POLK: variants seen among roughly 807,000 people sequenced by gnomAD.
POLK encodes polymerase (DNA directed) kappa.
A neutral mutation model predicts 94.0 loss-of-function variants in POLK; 76 were observed. The ratio of observed to expected loss-of-function variants is 0.81; its 90% confidence interval spans 0.67 to 0.98. POLK has a LOEUF of 0.98. POLK is among the 50% of genes least tolerant of loss of function. The pLI is 0.00. For missense variants in POLK, 954 were observed against 1,010.1 expected (o/e 0.94, Z 0.75); for synonymous variants, 349 against 325.4 (o/e 1.07, Z -0.78).
rs555431325 is a variant in POLK, at chr5:75,543,163, C to A, written c.-13-3847C>A. On this transcript the variant is annotated intron_variant, in intron 1 of 14. Coordinates refer to ENST00000241436, the Ensembl canonical transcript of POLK. ...GTTCAAGCGTTTCTCCTGTCTCAGC[C>A]TCCTGAGTAGCTGGGACTATAGGCA... Among the ~76,000 whole-genome samples, 15 of 151,900 alleles carry A rather than the reference C, an allele frequency of 9.9e-5. No individual in the cohort carries two copies. In the South Asian group the frequency reaches 2.3e-3, roughly 23 times the overall value.
chr5:75,546,531 A>T (rs981498122), intron 1 of POLK, among the ~76,000 whole-genome samples: 1 of 152,116 alleles, frequency 6.6e-6, no homozygotes, highest in Non-Finnish European at 1.5e-5. Context: ...GTCATTTAAA[A>T]ATTTTGTTTT....
rs771553473 is a variant in POLK at position 75,583,409 on chromosome 5, A to G, written c.1051A>G (p.Ile351Val). Residue 351 changes from isoleucine to valine, a missense_variant, in exon 8 of 15, where the codon ATT becomes GTT. By Grantham distance (29) the Ile-to-Val change is conservative. Transcript: ENST00000241436. The stretch of plus-strand genomic sequence containing the variant: ...GATGGACTTCATCAAGGATTTACCC[A>G]TTAGAAAGGTAAGATTTTTACATAA... 3.1e-6 allele frequency: 5 copies of G among 1,594,718 alleles called. No individual in the cohort carries two copies. The East Asian group carries it at 6.7e-5, about 21-fold the overall frequency.
At chr5:75,548,070 A>C (rs1770143748) in intron 2 of POLK, among the ~76,000 whole-genome samples, 1 of 152,096 alleles carries the variant, frequency 6.6e-6, no homozygotes, top group Non-Finnish European at 1.5e-5. Flanking sequence ...CAATAGGCAC[A>C]TGCCACCAAG....
chr5:75,573,317 A>G (rs944836177), intron 4 of POLK, among the ~76,000 whole-genome samples: 15 of 152,276 alleles, frequency 9.9e-5, no homozygotes, highest in African/African-American at 2.9e-4. Context: ...GAACAACGAG[A>G]ACACGTGGAC....
In POLK at chr5:75,573,699, G is replaced by GA. The variant is rs762394676; in HGVS notation, c.409-39_409-38insA. On this transcript the variant is annotated intron_variant, in intron 4 of 14. Transcript: ENST00000241436. ...TGCATTGATCAATATGTCCATTTAG[G>GA]TTTGTGTATTTTTTTCCATGTGGTC... 1.2e-5 allele frequency: 19 copies of GA among 1,556,924 alleles called. No individual in the cohort carries two copies. In the South Asian group the frequency reaches 2.1e-4, roughly 17 times the overall value.
chr5:75,511,237 C>T (rs569067946), upstream of POLK: 35 of 1,609,584 alleles, frequency 2.2e-5, no homozygotes, highest in African/African-American at 2.7e-5. Context: ...AGGAGACCGG[C>T]CCCCGCTCCC....
At chr5:75,606,582 CTGTT>C in the POLK span, among the ~76,000 whole-genome samples, 6 of 145,968 alleles carry the variant, frequency 4.1e-5, no homozygotes, top group East Asian at 1.2e-3. Context: ...CTTCAAGCAT[CTGTT>C]TAACAAAGCA....
Position 75,576,758 on chromosome 5 carries a change from CTT to C in POLK, c.541-15_541-14del, listed in dbSNP as rs751779033. ...GTTTGCTATCACAGCAAAATTTAAA[CTT>C]TTTTTTGTTTCCTTTGAAGGTTAAG... On this transcript the variant is annotated intron_variant, in intron 5 of 14. Transcript: ENST00000241436. The C allele has an allele frequency of 1.4e-6, 2 of 1,410,746 alleles. No homozygotes were observed. Among genetic ancestry groups the C allele is most frequent in the South Asian group, 1.7e-5 (1 of 60,044 alleles). 87.4% of individuals were successfully genotyped at this position (1,410,746 alleles called of 1,614,324 possible). A position where few individuals can be genotyped will look rare whatever the true frequency, so the allele number is the denominator to read the frequency against.
At chr5:75,538,556 G>C (rs1361251553) in intron 1 of POLK, 5 of 152,018 alleles carry the variant, frequency 3.3e-5, no homozygotes, top group African/African-American at 4.8e-5. Context: ...TCTCAGAGGA[G>C]AGAGAGATAT....
At chr5:75,597,112 A>T (rs1323943777) in exon 13 of POLK, 1 of 1,612,914 alleles carries the variant, frequency 6.2e-7, no homozygotes, top group Non-Finnish European at 8.5e-7. Context: ...TAAAAGTTTT[A>T]TCCAAGAATT....
chr5:75,605,874 G>C (rs1466991915), downstream of POLK, among the ~76,000 whole-genome samples: 1 of 151,672 alleles, frequency 6.6e-6, no homozygotes, highest in South Asian at 2.1e-4. Context: ...GGTGTTTCTC[G>C]TAAGGTGGGA....
At chr5:75,599,058 T>TG (rs1381385147) in exon 15 of POLK, 3 of 151,004 alleles carry the variant, frequency 2.0e-5, no homozygotes, top group Non-Finnish European at 4.4e-5. Flanking sequence ...CTCGCCAACA[T>TG]GGTGAGACCC....
chr5:75,555,348 T>C (rs558815993), intron 3 of POLK, among the ~76,000 whole-genome samples: 4 of 152,274 alleles, frequency 2.6e-5, no homozygotes, highest in South Asian at 2.1e-4. Flanking sequence ...CTGACCTTTT[T>C]ACTATCTCCA....
chr5:75,547,220 A>C lies in POLK; in HGVS notation c.135+63A>C, dbSNP rs904648108. ...GACCTTTTAACTTTCTGTTTCAAAG[A>C]AAATCATTTGAATATCATTTGTATT... On this transcript the variant is annotated intron_variant, in intron 2 of 14. Coordinates refer to ENST00000241436, the Ensembl canonical transcript of POLK. The C allele has an allele frequency of 1.4e-5, 11 of 764,338 alleles. No homozygotes were observed. In the African/African-American group the frequency reaches 2.0e-4, roughly 14 times the overall value. 47.3% of individuals were successfully genotyped at this position (764,338 alleles called of 1,614,324 possible).
At chr5:75,593,714 G>A (rs538154667) in intron 11 of POLK, among the ~76,000 whole-genome samples, 164 bp from the exon 12 acceptor site, 73 of 152,204 alleles carry the variant, frequency 4.8e-4, no homozygotes, top group Non-Finnish European at 4.4e-4. Context: ...GTACTGGCAC[G>A]CACTTGTAAT....
chr5:75,511,899 G>A, exon 1 of POLK: 1 of 1,389,160 alleles, frequency 7.2e-7, no homozygotes, highest in Admixed American at 2.2e-5. Flanking sequence ...TTGTAGTCGC[G>A]ATCCTGAGGT....
In POLK at chr5:75,528,111, T is replaced by C. The variant is rs116995811; in HGVS notation, c.-14+16197T>C. 2.1e-3 allele frequency among the ~76,000 whole-genome samples: 317 copies of C among 152,222 alleles called. 1 individual carries two copies. The East Asian group carries it at 0.027, about 13-fold the overall frequency. ...CATGGAAAATTTCCCTTCATACAGT[T>C]TTAAATAAAGAAAACAGACTAGAAA... On this transcript the variant is annotated intron_variant, in intron 1 of 14. Coordinates refer to ENST00000241436, the Ensembl canonical transcript of POLK.
At chr5:75,517,016 T>C (rs1768356471) in intron 1 of POLK, among the ~76,000 whole-genome samples, 1 of 152,234 alleles carries the variant, frequency 6.6e-6, no homozygotes, top group Non-Finnish European at 1.5e-5. Context: ...TCTATTTTCT[T>C]GCCAGTATTA....
At chr5:75,559,508 TTTTTGTTTTG>T (rs1202250676) in intron 3 of POLK, among the ~76,000 whole-genome samples, 11 of 146,992 alleles carry the variant, frequency 7.5e-5, no homozygotes, top group African/African-American at 2.5e-4. Flanking sequence ...GGGGTTTGTT[TTTTTGTTTTG>T]TTTTGTTTTT....
Sources: allele counts gnomAD v4.1 joint callset (sites outside exome capture counted in the v4.1 genomes callset), GRCh38; gene constraint gnomAD v4.1.1; transcripts MANE v1.5; gene names NCBI Gene and HGNC (gene_info 2026-07-23, HGNC 2026-07-21).